The following PRKN variants were observed in gnomAD, a reference collection of about 807,000 sequenced individuals.
PRKN encodes parkin RBR E3 ubiquitin protein ligase, also known as E3 ubiquitin-protein ligase parkin.
A neutral mutation model predicts 59.5 loss-of-function variants in PRKN; 56 were observed. That is an observed-to-expected ratio of 0.94 (90% CI 0.76 to 1.18). PRKN has a LOEUF of 1.18. Among genes scored for constraint, PRKN ranks in the 50% most tolerant of loss-of-function variants. The pLI is 0.00. For synonymous variants in PRKN, 250 were observed against 222.1 expected, an observed-to-expected ratio of 1.13 and a Z score of -1.12; for missense variants, 657 against 596.4, an observed-to-expected ratio of 1.10 and a Z score of -1.06.
intron 7 of PRKN, among the ~76,000 whole-genome samples, chr6:161,745,963 T>C (rs991317813): frequency 1.3e-5 from 2 of 152,198 alleles, no homozygotes; most frequent in African/African-American, 4.8e-5. Flanking sequence ...CAGCTCTCTG[T>C]GGGGGCCTGT....
intron 9 of PRKN, among the ~76,000 whole-genome samples, chr6:161,465,989 T>C (rs576564568): frequency 7.1e-4 from 108 of 152,358 alleles, no homozygotes; most frequent in Non-Finnish European, 1.3e-3. Flanking sequence ...AAATAATGAC[T>C]TGATATCTGT....
chr6:161,713,112 C>T (rs757455236), intron 7 of PRKN, among the ~76,000 whole-genome samples: 24 of 152,176 alleles, frequency 1.6e-4, no homozygotes, highest in Non-Finnish European at 3.2e-4. Context: ...TTTGCTGGAA[C>T]AGTTCACAGA....
intron 9 of PRKN, among the ~76,000 whole-genome samples, chr6:161,508,412 G>A (rs1778252392): frequency 6.6e-6 from 1 of 152,148 alleles, no homozygotes; most frequent in Non-Finnish European, 1.5e-5. Flanking sequence ...CCTGTCTCAA[G>A]GAGAATATTT....
chr6:161,753,234 C>G (rs1203698194), intron 7 of PRKN, among the ~76,000 whole-genome samples: 1 of 151,850 alleles, frequency 6.6e-6, no homozygotes, highest in African/African-American at 2.4e-5. Context: ...AGTGAGAAGT[C>G]TGGTTGGGGA....
intron 2 of PRKN, among the ~76,000 whole-genome samples, chr6:162,336,005 G>A (rs1004657540): frequency 2.0e-5 from 3 of 151,398 alleles, no homozygotes; most frequent in Non-Finnish European, 4.4e-5. Flanking sequence ...TGAGCAGTGC[G>A]GCCCATCTCA....
chr6:162,456,626 G>A (rs78718632), intron 1 of PRKN, among the ~76,000 whole-genome samples: 11,510 of 152,086 alleles, frequency 0.076, 588 homozygotes, highest in Middle Eastern at 0.12. Context: ...AAGTCACCAC[G>A]AACAGTAAAC....
chr6:162,401,821 A>G (rs1379997349), intron 2 of PRKN, among the ~76,000 whole-genome samples: 1 of 152,210 alleles, frequency 6.6e-6, no homozygotes, highest in East Asian at 1.9e-4. Flanking sequence ...CTTTATAAGA[A>G]AATAGAATTT....
chr6:162,123,787 G>A (rs1158715238), intron 4 of PRKN, among the ~76,000 whole-genome samples: 1 of 152,140 alleles, frequency 6.6e-6, no homozygotes, highest in Admixed American at 6.5e-5. Flanking sequence ...TGGACCCAAA[G>A]GGTTGGTCAA....
At chr6:161,574,218 G>C (rs1438333910) in intron 7 of PRKN, among the ~76,000 whole-genome samples, 1 of 152,068 alleles carries the variant, frequency 6.6e-6, no homozygotes, top group Non-Finnish European at 1.5e-5. Flanking sequence ...TGTGAAGATG[G>C]GGCTTAAAAA....
intron 1 of PRKN, among the ~76,000 whole-genome samples, chr6:162,579,252 G>C (rs541461647): frequency 6.6e-6 from 1 of 152,108 alleles, no homozygotes; most frequent in East Asian, 1.9e-4. Flanking sequence ...CCTCTACTTA[G>C]AATGACTTTT....
At position 161,552,799 on chromosome 6, in the gene PRKN, T is replaced by TTC. The variant is rs1562522059; in HGVS notation, c.934-3797_934-3796insGA. On this transcript the variant is annotated intron_variant, in intron 8 of 11. Coordinates refer to ENST00000366898, the MANE Select transcript of PRKN (RefSeq NM_004562.3). The surrounding 1 kb of genome is among the most constrained non-coding windows in gnomAD (Gnocchi z 4.9). ...TGGTTTTGTTGTTGTTTTTGTTTTT[T>TTC]GTTTTTTTTTTTTAGACGGAGTCTC... 6.7e-6 allele frequency among the ~76,000 whole-genome samples: 1 copy of TTC among 149,196 alleles called. No homozygotes were observed. Among genetic ancestry groups the TTC allele is most frequent in the East Asian group, 2.0e-4 (1 of 5,074 alleles).
chr6:161,743,967 G>A (rs1046374149), intron 7 of PRKN, among the ~76,000 whole-genome samples: 4 of 152,052 alleles, frequency 2.6e-5, no homozygotes, highest in African/African-American at 9.7e-5. Context: ...ACGGAGCCCT[G>A]GGGTTTTTCT....
intron 2 of PRKN, among the ~76,000 whole-genome samples, chr6:162,402,593 C>T (rs1287183383): frequency 1.3e-5 from 2 of 151,580 alleles, no homozygotes; most frequent in Non-Finnish European, 2.9e-5. Context: ...AAGCACTATA[C>T]AATAAATCAT....
At chr6:162,191,658 G>A (rs1357412355) in intron 4 of PRKN, among the ~76,000 whole-genome samples, 2 of 152,096 alleles carry the variant, frequency 1.3e-5, no homozygotes, top group South Asian at 2.1e-4. Context: ...GGTGAGGCTC[G>A]TCTCGAACTC....
intron 1 of PRKN, among the ~76,000 whole-genome samples, chr6:162,627,777 T>C (rs1281641976): frequency 6.6e-6 from 1 of 152,136 alleles, no homozygotes; most frequent in Non-Finnish European, 1.5e-5. Flanking sequence ...CCAATAACAA[T>C]GGAGCAACTA....
At position 161,410,702 on chromosome 6, in the gene PRKN, G is replaced by C. The variant is rs920634496; in HGVS notation, c.1084-23825C>G. On this transcript the variant is annotated intron_variant, in intron 9 of 11. Coordinates refer to ENST00000366898, the MANE Select transcript of PRKN (RefSeq NM_004562.3). The surrounding 1 kb of genome is among the most constrained non-coding windows in gnomAD (Gnocchi z 5.3). ...GAGGATGGGGAGGATGCAGGGAAGA[G>C]AATCGGGGTCACTGTGAGGGAGGGG... Among the ~76,000 whole-genome samples, 1 of 152,158 alleles carries C rather than the reference G, an allele frequency of 6.6e-6. No homozygotes were observed.
At chr6:161,926,140 T>C (rs747984635) in intron 6 of PRKN, among the ~76,000 whole-genome samples, 21 of 152,136 alleles carry the variant, frequency 1.4e-4, no homozygotes, top group Non-Finnish European at 2.8e-4. Flanking sequence ...TCTAAGTAAA[T>C]GGGAGTGGTG....
chr6:162,028,689 G>A (rs183094134), intron 5 of PRKN, among the ~76,000 whole-genome samples: 1 of 152,322 alleles, frequency 6.6e-6, no homozygotes. Flanking sequence ...GCCACACAGA[G>A]CCCAGCATGT....
At chr6:162,678,252 T>C (rs1344323688) in intron 1 of PRKN, among the ~76,000 whole-genome samples, 1 of 152,244 alleles carries the variant, frequency 6.6e-6, no homozygotes, top group East Asian at 1.9e-4. Context: ...CAAATAAAGC[T>C]GCTATGGATA....
Sources: allele counts gnomAD v4.1 joint callset (sites outside exome capture counted in the v4.1 genomes callset), GRCh38; gene constraint gnomAD v4.1.1; non-coding constraint Gnocchi (gnomAD v3.1); transcripts MANE v1.5; gene names NCBI Gene and HGNC (gene_info 2026-07-23, HGNC 2026-07-21).